The following SEMA5A variants were observed in gnomAD, a reference collection of about 807,000 sequenced individuals.
SEMA5A encodes the protein semaphorin 5A, also known as semaphorin-5A.
Under a neutral mutation model 135.5 loss-of-function variants are expected in SEMA5A, and 55 were observed. The observed-to-expected ratio is 0.41, with a 90% CI of 0.33 to 0.51. SEMA5A has a LOEUF of 0.51. SEMA5A is among the 20% of genes least tolerant of loss of function. The pLI is 0.37. For synonymous variants in SEMA5A, 580 were observed against 546.5 expected, an observed-to-expected ratio of 1.06 and a Z score of -0.85; for missense variants, 1,290 against 1,419.9, an observed-to-expected ratio of 0.91 and a Z score of 1.47.
At chr5:9,353,082 A>AG (rs1284572354) in intron 3 of SEMA5A, among the ~76,000 whole-genome samples, 2 of 25,588 alleles carry the variant, frequency 7.8e-5, no homozygotes, top group African/African-American at 1.0e-4. Flanking sequence ...AGGAAAGGAA[A>AG]GGAAAGGAAA....
intron 12 of SEMA5A, among the ~76,000 whole-genome samples, chr5:9,153,928 C>G (rs1742775465): frequency 6.6e-6 from 1 of 150,464 alleles, no homozygotes; most frequent in Non-Finnish European, 1.5e-5. Context: ...CATCTGTATT[C>G]CCAGCTACTT....
At chr5:9,418,045 C>T (rs979054334) in intron 2 of SEMA5A, among the ~76,000 whole-genome samples, 1 of 151,098 alleles carries the variant, frequency 6.6e-6, no homozygotes, top group African/African-American at 2.4e-5. Context: ...GGCGTGATCT[C>T]GGCTCACTGC....
intron 6 of SEMA5A, among the ~76,000 whole-genome samples, chr5:9,232,299 C>T (rs1013956036): frequency 1.3e-5 from 2 of 152,130 alleles, no homozygotes; most frequent in Non-Finnish European, 2.9e-5. Context: ...TAGAAGGCTA[C>T]AGGCTTTATG....
At chr5:9,286,156 C>T (rs1229221711) in intron 5 of SEMA5A, among the ~76,000 whole-genome samples, 1 of 152,032 alleles carries the variant, frequency 6.6e-6, no homozygotes, top group African/African-American at 2.4e-5. Flanking sequence ...ACCATATTGA[C>T]TAAATATACT....
intron 6 of SEMA5A, among the ~76,000 whole-genome samples, chr5:9,231,094 GA>G (rs368866756): frequency 1.3e-4 from 19 of 151,772 alleles, no homozygotes; most frequent in African/African-American, 3.9e-4. Flanking sequence ...AAAACACAGG[GA>G]AAAAAAAGAA....
intron 5 of SEMA5A, among the ~76,000 whole-genome samples, chr5:9,251,406 C>G (rs1245981762): frequency 5.3e-5 from 8 of 152,178 alleles, no homozygotes; most frequent in Admixed American, 3.9e-4. Context: ...CTTCCTTAAT[C>G]AGCCAACTTT....
chr5:9,143,396 G>A lies in SEMA5A; in HGVS notation c.1482-6775C>T, dbSNP rs530305039. Among the ~76,000 whole-genome samples, 498 of 151,920 alleles carry A rather than the reference G, an allele frequency of 3.3e-3. 3 individuals are homozygous for A. Among genetic ancestry groups the A allele is most frequent in the African/African-American group, 0.011 (474 of 41,424 alleles). ...TACTTTTCATGTATTAAAACTACTC[G>A]GCTTAACATTAAATAACACTGATCA... On this transcript the variant is annotated intron_variant, in intron 12 of 22. Transcript: ENST00000382496.
At chr5:9,113,004 A>C (rs1233513526) in intron 15 of SEMA5A, among the ~76,000 whole-genome samples, 1 of 152,164 alleles carries the variant, frequency 6.6e-6, no homozygotes, top group Non-Finnish European at 1.5e-5. Flanking sequence ...GACATCCCAC[A>C]AGGAAATGAA....
chr5:9,401,151 A>G (rs1756643239), intron 2 of SEMA5A, among the ~76,000 whole-genome samples: 1 of 152,198 alleles, frequency 6.6e-6, no homozygotes, highest in African/African-American at 2.4e-5. Context: ...AAATAGCTAA[A>G]GAAAACTTTT....
intron 5 of SEMA5A, among the ~76,000 whole-genome samples, chr5:9,248,551 T>C (rs547444096): frequency 2.6e-5 from 2 of 77,020 alleles, no homozygotes; most frequent in East Asian, 7.7e-4. Context: ...AGTTAACTCA[T>C]ACGGCAAAAA....
chr5:9,201,318 T>G (rs897707769), intron 9 of SEMA5A, among the ~76,000 whole-genome samples: 1 of 152,208 alleles, frequency 6.6e-6, no homozygotes, highest in African/African-American at 2.4e-5. Flanking sequence ...GAAAACTTCA[T>G]AAGCTTAAGA....
In SEMA5A at chr5:9,042,832, G is replaced by A; in HGVS notation, c.*65C>T. The A allele has an allele frequency of 6.3e-7, 1 of 1,586,934 alleles. No individual in the cohort carries two copies. Among genetic ancestry groups the A allele is most frequent in the Non-Finnish European group, 8.6e-7 (1 of 1,159,714 alleles). On this transcript the variant is annotated 3_prime_UTR_variant, in exon 23 of 23. Transcript: ENST00000382496. ...TCGACTCTGAAGCCTCAGAAACATG[G>A]GCAGTCATGGGGCACAGGCCTTGAG...
intron 6 of SEMA5A, among the ~76,000 whole-genome samples, chr5:9,231,022 A>C (rs1188388027): frequency 3.9e-5 from 6 of 152,238 alleles, no homozygotes; most frequent in African/African-American, 1.4e-4. Context: ...AAACAAATTC[A>C]TTTAAAATAA....
intron 12 of SEMA5A, among the ~76,000 whole-genome samples, chr5:9,146,254 T>A (rs1484294791): frequency 6.6e-6 from 1 of 152,168 alleles, no homozygotes. Flanking sequence ...CCACTTTTGT[T>A]AGTGCCAGCA....
intron 1 of SEMA5A, among the ~76,000 whole-genome samples, chr5:9,493,787 A>G (rs1011700013): frequency 8.5e-5 from 13 of 152,218 alleles, no homozygotes; most frequent in Admixed American, 2.6e-4. Context: ...GATGTCAGCA[A>G]AACATGAAGT....
At chr5:9,133,435 A>G (rs1387648763) in intron 13 of SEMA5A, among the ~76,000 whole-genome samples, 1 of 152,194 alleles carries the variant, frequency 6.6e-6, no homozygotes, top group Non-Finnish European at 1.5e-5. Flanking sequence ...TATATGCTTA[A>G]CTTATCTAAA....
At chr5:9,301,907 T>C (rs994575994) in intron 5 of SEMA5A, among the ~76,000 whole-genome samples, 3 of 152,008 alleles carry the variant, frequency 2.0e-5, no homozygotes, top group African/African-American at 4.8e-5. Flanking sequence ...GAAATCAGTA[T>C]CAATGGGCCA....
rs116233436 is a variant in SEMA5A at position 9,309,841 on chromosome 5, G to A, written c.270+8531C>T. Among the ~76,000 whole-genome samples the A allele has an allele frequency of 5.9e-3, 894 of 152,246 alleles. 7 individuals carry two copies. Among genetic ancestry groups the A allele is most frequent in the African/African-American group, 0.02 (828 of 41,546 alleles). On this transcript the variant is annotated intron_variant, in intron 5 of 22. Coordinates refer to ENST00000382496, the MANE Select transcript of SEMA5A (RefSeq NM_003966.3). ...GTTATTTAAAAAGTAGAGTAAATAT[G>A]TTTGAATAAATCGGTATATAAAACA...
At chr5:9,156,155 A>T (rs1742942944) in intron 11 of SEMA5A, among the ~76,000 whole-genome samples, 1 of 152,232 alleles carries the variant, frequency 6.6e-6, no homozygotes, top group Non-Finnish European at 1.5e-5. Flanking sequence ...AGAGAGGCAG[A>T]CATTTTAGCA....
Sources: allele counts gnomAD v4.1 joint callset (sites outside exome capture counted in the v4.1 genomes callset), GRCh38; gene constraint gnomAD v4.1.1; transcripts MANE v1.5; gene names NCBI Gene and HGNC (gene_info 2026-07-23, HGNC 2026-07-21).